The following JAK2 variants were observed in gnomAD, a reference collection of about 807,000 sequenced individuals.
The protein encoded by JAK2 is Janus kinase 2.
JAK2 carries 86 observed loss-of-function variants against 139.3 expected under a neutral mutation model. The ratio of observed to expected loss-of-function variants is 0.62; its 90% CI spans 0.52 to 0.74. The LOEUF (loss-of-function observed/expected upper bound fraction) is 0.74. JAK2 is among the 30% of genes least tolerant of loss of function. The probability of loss-of-function intolerance (pLI) is 0.00; values close to 1 mark genes in which losing one functional copy is unlikely to be tolerated. For missense variants in JAK2, 1,421 were observed against 1,360.3 expected, an observed-to-expected ratio of 1.04 and a Z score of -0.70; for synonymous variants, 490 against 437.7, an observed-to-expected ratio of 1.12 and a Z score of -1.49.
intron 22 of JAK2, among the ~76,000 whole-genome samples, chr9:5,093,192 C>A (rs1178292923): frequency 6.6e-6 from 1 of 152,102 alleles, no homozygotes; most frequent in Non-Finnish European, 1.5e-5. Context: ...CAATAAGCAT[C>A]CTATTATTTA....
intron 2 of JAK2, among the ~76,000 whole-genome samples, chr9:4,998,419 G>A (rs1207657917): frequency 6.6e-6 from 1 of 152,124 alleles, no homozygotes; most frequent in Non-Finnish European, 1.5e-5. Context: ...ACCACGCCCA[G>A]CTAATTTTTG....
rs79207414 is a variant in JAK2 at position 5,125,791 on chromosome 9, T to C, written c.3178-542T>C. ...TAGGGTGGGTATGTATATATGTGAA[T>C]TATCTCTTCTGTGCTTTGCCTATCT... On this transcript the variant is annotated intron_variant, in intron 23 of 24. Coordinates refer to ENST00000381652, the MANE Select transcript of JAK2 (RefSeq NM_004972.4). 4.3e-3 allele frequency among the ~76,000 whole-genome samples: 534 copies of C among 123,426 alleles called. 4 individuals are homozygous for C. Among genetic ancestry groups the C allele is most frequent in the African/African-American group, 0.017 (526 of 30,838 alleles). 81.0% of individuals were successfully genotyped at this position (123,426 alleles called of 152,430 possible).
At chr9:5,066,052 A>G (rs1188045594) in intron 9 of JAK2, among the ~76,000 whole-genome samples, 2 of 152,166 alleles carry the variant, frequency 1.3e-5, no homozygotes, top group Non-Finnish European at 2.9e-5. Flanking sequence ...ATTTATATTT[A>G]CTGAGTAACT....
chr9:5,037,762 C>T (rs758994125), intron 4 of JAK2, among the ~76,000 whole-genome samples: 4 of 152,014 alleles, frequency 2.6e-5, no homozygotes, highest in African/African-American at 9.7e-5. Context: ...TGTTAAATGA[C>T]GAGTTACTGG....
chr9:5,072,656 G>A (rs752222763), intron 13 of JAK2, 30 bp downstream of exon 13: 2 of 1,510,252 alleles, frequency 1.3e-6, no homozygotes, highest in South Asian at 1.3e-5. Flanking sequence ...TGTTCATGTA[G>A]TTTATGCTGT....
chr9:5,032,397 A>T (rs1823227453), intron 4 of JAK2, among the ~76,000 whole-genome samples: 1 of 152,204 alleles, frequency 6.6e-6, no homozygotes, highest in Non-Finnish European at 1.5e-5. Flanking sequence ...TTTGAAGAGT[A>T]GTGGTTCTCC....
chr9:5,000,959 A>G (rs1346676880), intron 2 of JAK2, among the ~76,000 whole-genome samples: 2 of 152,202 alleles, frequency 1.3e-5, no homozygotes, highest in African/African-American at 4.8e-5. Flanking sequence ...AGGGTCAGCA[A>G]ATTCCCAAGA....
At chr9:5,030,662 C>T (rs140786424) in intron 4 of JAK2, among the ~76,000 whole-genome samples, 5 of 152,110 alleles carry the variant, frequency 3.3e-5, no homozygotes, top group Non-Finnish European at 5.9e-5. Flanking sequence ...CTCTTAATCA[C>T]CTCATGTGTA....
chr9:5,082,401 G>C (rs1483216850), intron 19 of JAK2, among the ~76,000 whole-genome samples: 1 of 152,250 alleles, frequency 6.6e-6, no homozygotes, highest in Non-Finnish European at 1.5e-5. Flanking sequence ...TCTCAGTGGA[G>C]TAAAGAATAA....
intron 2 of JAK2, among the ~76,000 whole-genome samples, chr9:5,009,726 T>C (rs528286072): frequency 6.6e-6 from 1 of 152,250 alleles, no homozygotes; most frequent in East Asian, 1.9e-4. Context: ...GACAACTGTT[T>C]TTATGCTTAT....
intron 22 of JAK2, chr9:5,114,900 G>A: frequency 5.1e-6 from 1 of 194,722 alleles, no homozygotes; most frequent in South Asian, 9.2e-5. Flanking sequence ...ATGACCCCAG[G>A]AAGCCACCCC....
At chr9:5,081,968 G>GA (rs1491039244) in intron 19 of JAK2, 107 bp downstream of exon 19, 67 of 869,080 alleles carry the variant, frequency 7.7e-5, no homozygotes, top group Non-Finnish European at 9.1e-5. Context: ...AGTGCTTGTA[G>GA]AAAAAAAAGG....
In JAK2 at chr9:5,129,781, A is replaced by G. The variant is rs1255447685; in HGVS notation, c.*2990A>G. On this transcript the variant is annotated 3_prime_UTR_variant, in exon 25 of 25. Transcript: ENST00000381652. ...TTTCAAAATGACACTGAGAGAACTGAAAAACTACATCAGTCAAATTCATGT... is the reference window on the plus strand; with the variant it reads ...TTTCAAAATGACACTGAGAGAACTGGAAAACTACATCAGTCAAATTCATGT... Among the ~76,000 whole-genome samples, 1 of 152,182 alleles carries G rather than the reference A, an allele frequency of 6.6e-6. No homozygotes were observed. Among genetic ancestry groups the G allele is most frequent in the Non-Finnish European group, 1.5e-5 (1 of 67,978 alleles).
chr9:5,064,272 G>C (rs868584231), intron 8 of JAK2, among the ~76,000 whole-genome samples: 1 of 152,166 alleles, frequency 6.6e-6, no homozygotes, highest in African/African-American at 2.4e-5. Context: ...GCTCACGCCT[G>C]TAACCCCAAC....
Position 5,110,895 on chromosome 9 carries a change from C to T in JAK2, c.3060-12109C>T, listed in dbSNP as rs1242952720. 7.4e-6 allele frequency: 4 copies of T among 542,798 alleles called. No individual in the cohort carries two copies. The Admixed American group carries it at 9.0e-5, about 12-fold the overall frequency. The allele number at this position is 542,798 out of a possible 1,614,324, so 33.6% of individuals were successfully genotyped here. A position where few individuals can be genotyped will look rare whatever the true frequency, so the allele number is the denominator to read the frequency against. On this transcript the variant is annotated intron_variant, in intron 22 of 24. Coordinates refer to ENST00000381652, the MANE Select transcript of JAK2 (RefSeq NM_004972.4). Reference sequence around the variant, plus strand: ...AGCAGGGTTTCCATGTCTGAGATGCCCGCTCTGGCCCCAAGAGAATGAACC... The same window carrying T: ...AGCAGGGTTTCCATGTCTGAGATGCTCGCTCTGGCCCCAAGAGAATGAACC...
chr9:5,072,236 T>C (rs1233319139), intron 12 of JAK2, among the ~76,000 whole-genome samples: 1 of 152,134 alleles, frequency 6.6e-6, no homozygotes, highest in Admixed American at 6.5e-5. Context: ...GTGACAATTA[T>C]AGCCCATTCA....
intron 22 of JAK2, among the ~76,000 whole-genome samples, chr9:5,106,319 G>T (rs1400621011): frequency 1.3e-5 from 2 of 152,204 alleles, no homozygotes; most frequent in African/African-American, 4.8e-5. Flanking sequence ...CTGGTCATCA[G>T]AGAAATGGAA....
intron 8 of JAK2, among the ~76,000 whole-genome samples, chr9:5,058,294 G>A (rs541100805): frequency 4.6e-5 from 7 of 152,218 alleles, no homozygotes; most frequent in East Asian, 1.9e-4. Context: ...CTCGCAGTTC[G>A]GCATGGCTGG....
intron 22 of JAK2, among the ~76,000 whole-genome samples, chr9:5,105,846 A>C (rs1021590515): frequency 6.6e-6 from 1 of 152,258 alleles, no homozygotes. Context: ...GTGCTGGGAA[A>C]ACTGGCTAGC....
Sources: allele counts gnomAD v4.1 joint callset (sites outside exome capture counted in the v4.1 genomes callset), GRCh38; gene constraint gnomAD v4.1.1; transcripts MANE v1.5; gene names NCBI Gene and HGNC (gene_info 2026-07-23, HGNC 2026-07-21).